The following ST18 variants were observed in gnomAD, a reference collection of about 807,000 sequenced individuals.
ST18 encodes suppression of tumorigenicity 18 protein.
Under a neutral mutation model 110.0 loss-of-function variants are expected in ST18, and 50 were observed. The ratio of observed to expected loss-of-function variants is 0.45; its 90% CI spans 0.36 to 0.58. The LOEUF (loss-of-function observed/expected upper bound fraction) is 0.58, where lower values mean the gene tolerates loss of function less well. ST18 is among the 20% of genes least tolerant of loss of function. The pLI, the probability that ST18 is intolerant of heterozygous loss-of-function variation, is 0.00. For missense variants in ST18, 1,306 were observed against 1,280.1 expected, an observed-to-expected ratio of 1.02 and a Z score of -0.31; for synonymous variants, 461 against 452.4, an observed-to-expected ratio of 1.02 and a Z score of -0.24.
chr8:52,399,698 C>T (rs545039805), intron 2 of ST18, among the ~76,000 whole-genome samples: 1 of 152,040 alleles, frequency 6.6e-6, no homozygotes, highest in Non-Finnish European at 1.5e-5. Flanking sequence ...CCATTTGTTG[C>T]TCAGGAACAT....
chr8:52,119,037 A>ACATT (rs2043622652), intron 23 of ST18, among the ~76,000 whole-genome samples: 1 of 152,186 alleles, frequency 6.6e-6, no homozygotes, highest in African/African-American at 2.4e-5. Context: ...ACATTGGCAT[A>ACATT]GTCTTCCACG....
intron 2 of ST18, among the ~76,000 whole-genome samples, chr8:52,341,837 G>C (rs1439061739): frequency 6.7e-6 from 1 of 149,450 alleles, no homozygotes; most frequent in Admixed American, 6.7e-5. Context: ...TAGGCTCCCA[G>C]CTCCCCACTG....
Position 52,111,808 on chromosome 8 carries a change from T to A in ST18, c.*1390A>T, listed in dbSNP as rs1252907995. ...GTCTATACCTTTTCCTTAAAAAAAA[T>A]AAATATAAAAAAACTTTTGAAACAA... is the stretch of plus-strand genomic sequence containing the variant. On this transcript the variant is annotated 3_prime_UTR_variant, in exon 26 of 26. Coordinates refer to ENST00000689386, the MANE Select transcript of ST18 (RefSeq NM_001352837.2). The A allele has an allele frequency of 2.0e-5, 3 of 152,528 alleles. No individual in the cohort carries two copies. The highest frequency in any genetic ancestry group is 2.9e-5 in the Non-Finnish European group (2 of 68,014). 9.4% of individuals were successfully genotyped at this position (152,528 alleles called of 1,614,324 possible).
chr8:52,311,630 A>G (rs903329565), intron 2 of ST18, among the ~76,000 whole-genome samples: 4 of 152,252 alleles, frequency 2.6e-5, no homozygotes, highest in Non-Finnish European at 5.9e-5. Context: ...ACTTACAATC[A>G]TGGCAGAAGG....
At chr8:52,270,621 A>G (rs553514902) in intron 2 of ST18, among the ~76,000 whole-genome samples, 2 of 152,302 alleles carry the variant, frequency 1.3e-5, no homozygotes, top group Admixed American at 6.5e-5. Flanking sequence ...TTAGTATACA[A>G]TGTATCCATA....
intron 8 of ST18, among the ~76,000 whole-genome samples, chr8:52,201,595 A>G (rs150804579): frequency 5.6e-4 from 82 of 146,418 alleles, no homozygotes; most frequent in Non-Finnish European, 9.8e-4. Context: ...CCACAGTGAG[A>G]ATCCTTAGAA....
chr8:52,161,464 A>T lies in ST18; in HGVS notation c.1505T>A (p.Phe502Tyr). The T allele has an allele frequency of 6.2e-7, 1 of 1,614,124 alleles. No homozygotes were observed. The highest frequency in any genetic ancestry group is 2.2e-5 in the East Asian group (1 of 44,874). ...KEQEKFGKVPFDYASFDAQVF... is the reference protein window; with the variant it reads ...KEQEKFGKVPYDYASFDAQVF... ...TTGGGCATCAAAACTGGCATAATCA[A>T]ATGGTACTTTTCCAAACTTCTCTTG... is the stretch of plus-strand genomic sequence containing the variant. The change falls in exon 14 of 26, where the codon TTT (phenylalanine) becomes TAT (tyrosine). Residue 502 changes from phenylalanine to tyrosine, a missense_variant. Coordinates refer to ENST00000689386, the MANE Select transcript of ST18 (RefSeq NM_001352837.2).
chr8:52,142,111 T>C (rs2055357574), intron 17 of ST18, among the ~76,000 whole-genome samples: 1 of 151,954 alleles, frequency 6.6e-6, no homozygotes, highest in Non-Finnish European at 1.5e-5. Flanking sequence ...CAGGACCAAG[T>C]TTCTGACAGG....
chr8:52,370,956 G>C (rs1240850153), intron 2 of ST18, among the ~76,000 whole-genome samples: 2 of 152,206 alleles, frequency 1.3e-5, no homozygotes. Context: ...GGCTTTTATA[G>C]TAGGGTAATG....
intron 8 of ST18, among the ~76,000 whole-genome samples, chr8:52,193,327 G>C (rs1035660790): frequency 6.6e-6 from 1 of 152,186 alleles, no homozygotes; most frequent in Non-Finnish European, 1.5e-5. Context: ...CTGGCTGAAA[G>C]TGTGGGGAGC....
At chr8:52,206,790 G>A (rs1370117273) in intron 8 of ST18, 3 of 152,204 alleles carry the variant, frequency 2.0e-5, no homozygotes, top group Non-Finnish European at 4.4e-5. Context: ...TGATATAGTA[G>A]TTATGCTATT....
Position 52,210,698 on chromosome 8 carries a change from A to T in ST18, c.86+1381T>A, listed in dbSNP as rs531151817. Among the ~76,000 whole-genome samples, 292 of 152,300 alleles carry T rather than the reference A, an allele frequency of 1.9e-3. 2 individuals are homozygous for T. Among genetic ancestry groups the T allele is most frequent in the African/African-American group, 6.3e-3 (262 of 41,570 alleles). ...AAAATAAATAAATAAAAATAAAAAT[A>T]AAATTAAAACAAAATTCTTAAGACA... On this transcript the variant is annotated intron_variant, in intron 8 of 25. Coordinates refer to ENST00000689386, the MANE Select transcript of ST18 (RefSeq NM_001352837.2).
intron 2 of ST18, among the ~76,000 whole-genome samples, chr8:52,336,123 C>T (rs1811929721): frequency 6.6e-6 from 1 of 152,088 alleles, no homozygotes; most frequent in African/African-American, 2.4e-5. Flanking sequence ...TCATCAATGT[C>T]CCCACTGCTT....
chr8:52,372,547 C>A (rs570628101), intron 2 of ST18, among the ~76,000 whole-genome samples: 1 of 152,252 alleles, frequency 6.6e-6, no homozygotes, highest in Non-Finnish European at 1.5e-5. Context: ...CCATCCTGCA[C>A]CTCCATTCAC....
rs750436728 is a variant in ST18, at chr8:52,143,049, G to GAAAACAAACAA, written c.2053-15_2053-5dup. 2.0e-5 allele frequency: 32 copies of GAAAACAAACAA among 1,580,000 alleles called. 1 individual carries two copies. The highest frequency in any genetic ancestry group is 2.5e-5 in the Non-Finnish European group (29 of 1,151,026). ...CTAGAGAGCTCACTGGGTCTTTCTG[G>GAAAACAAACAA]AAAACAAACAAAAAACAAACAAAAC... On this transcript the variant is annotated splice_region_variant and splice_polypyrimidine_tract_variant and intron_variant, in intron 16 of 25. Coordinates refer to ENST00000689386, the MANE Select transcript of ST18 (RefSeq NM_001352837.2).
chr8:52,142,952 C>T lies in ST18; in HGVS notation c.2146G>A (p.Asp716Asn), dbSNP rs898393418. The T allele has an allele frequency of 6.2e-7, 1 of 1,613,818 alleles. No individual in the cohort carries two copies. The highest frequency in any genetic ancestry group is 2.2e-5 in the East Asian group (1 of 44,878). ...TACGTGATTAGTTCCTTTTTGAGAT[C>T]TCTTGCATGAAGCTTGGGTTTAGGG... Reference protein sequence around the residue: ...PSPKPKLHARDLKKELITCPT... With the variant: ...PSPKPKLHARNLKKELITCPT... Residue 716 changes from aspartate to asparagine, a missense_variant, in exon 17 of 26, where the codon GAT becomes AAT. Asp to Asn is a conservative substitution (Grantham distance 23). Transcript: ENST00000689386.
chr8:52,132,010 G>C lies in ST18; in HGVS notation c.2614C>G (p.Pro872Ala). The stretch of plus-strand genomic sequence containing the variant: ...ACATGGCCCAGCCCATTGCAGCCTG[G>C]CAAGGGACAATGTGGTAGCTCTTGT... Reference protein sequence around the residue: ...NKQELPHCPLPGCNGLGHVNN... With the variant: ...NKQELPHCPLAGCNGLGHVNN... The change falls in exon 22 of 26, where the codon CCA becomes GCA. Residue 872 changes from proline (P) to alanine (A), a missense_variant. Transcript: ENST00000689386. The C allele has an allele frequency of 6.2e-7, 1 of 1,614,224 alleles. No individual in the cohort carries two copies. The highest frequency in any genetic ancestry group is 1.1e-5 in the South Asian group (1 of 91,078).
chr8:52,262,851 T>A (rs1172591547), intron 2 of ST18, among the ~76,000 whole-genome samples: 2 of 152,210 alleles, frequency 1.3e-5, no homozygotes, highest in Admixed American at 1.3e-4. Context: ...ATGCTCATTC[T>A]AGCCTGGGAA....
chr8:52,258,922 G>T (rs2094601407), intron 2 of ST18, among the ~76,000 whole-genome samples: 1 of 152,172 alleles, frequency 6.6e-6, no homozygotes, highest in African/African-American at 2.4e-5. Flanking sequence ...ATAGTAACCT[G>T]CCCTACATTG....
Sources: allele counts gnomAD v4.1 joint callset (sites outside exome capture counted in the v4.1 genomes callset), GRCh38; gene constraint gnomAD v4.1.1; transcripts MANE v1.5; gene names NCBI Gene and HGNC (gene_info 2026-07-23, HGNC 2026-07-21).